ST6GAL1: variants seen among roughly 807,000 people sequenced by gnomAD.
The protein encoded by ST6GAL1 is ST6 beta-galactoside alpha-2,6-sialyltransferase 1, also known as beta-galactoside alpha-2,6-sialyltransferase 1.
Under a neutral mutation model 38.0 loss-of-function variants are expected in ST6GAL1, and 20 were observed. The observed-to-expected ratio is 0.53, with a 90% CI of 0.37 to 0.77. ST6GAL1 has a LOEUF of 0.77. Ranked by LOEUF, ST6GAL1 falls within the 30% of genes least tolerant of loss-of-function variation. ST6GAL1 has a pLI of 0.00. For missense variants in ST6GAL1, 432 were observed against 496.4 expected (o/e 0.87, Z 1.23); for synonymous variants, 196 against 188.2 (o/e 1.04, Z -0.34).
intron 5 of ST6GAL1, among the ~76,000 whole-genome samples, chr3:187,052,455 A>G (rs1335285759): frequency 1.3e-5 from 2 of 151,888 alleles, no homozygotes; most frequent in Non-Finnish European, 2.9e-5. Context: ...CTTGCCCCCA[A>G]CCCCACAACA....
At chr3:187,051,443 T>C in intron 5 of ST6GAL1, 97 bp downstream of exon 5, 1 of 1,101,594 alleles carries the variant, frequency 9.1e-7, no homozygotes, top group African/African-American at 1.5e-5. Context: ...AGGCTGCCAA[T>C]TAAGTCTCTT....
intron 2 of ST6GAL1, among the ~76,000 whole-genome samples, chr3:186,982,854 T>A (rs10937276): frequency 0.86 from 123,208 of 143,724 alleles, 53,673 homozygotes; most frequent in South Asian, 0.91. Context: ...GCTAATTTTT[T>A]TATTTTTAGT....
chr3:186,963,630 T>C (rs544710759), intron 1 of ST6GAL1, among the ~76,000 whole-genome samples, 155 bp from the exon 2 acceptor site: 93 of 152,234 alleles, frequency 6.1e-4, no homozygotes, highest in African/African-American at 2.2e-3. Flanking sequence ...GAGGGATGAG[T>C]CTGGGTGAAC....
chr3:187,020,803 T>C (rs1002022030), intron 2 of ST6GAL1, among the ~76,000 whole-genome samples: 7 of 152,148 alleles, frequency 4.6e-5, no homozygotes, highest in African/African-American at 1.4e-4. Flanking sequence ...CCTGAGGCAG[T>C]TGGGCCATAG....
chr3:187,010,372 C>A (rs1282363726), intron 2 of ST6GAL1, among the ~76,000 whole-genome samples: 1 of 152,118 alleles, frequency 6.6e-6, no homozygotes, highest in African/African-American at 2.4e-5. Context: ...AATTGAATTT[C>A]TTTTATTTCC....
chr3:186,980,384 A>G (rs2108537054), intron 2 of ST6GAL1, among the ~76,000 whole-genome samples: 1 of 152,284 alleles, frequency 6.6e-6, no homozygotes, highest in Middle Eastern at 3.4e-3. Context: ...TTAGTATTAT[A>G]ATATAAATGA....
At chr3:187,024,988 C>CGTGT (rs144330370) in intron 2 of ST6GAL1, 30,961 of 145,516 alleles carry the variant, frequency 0.21, 3,232 homozygotes, top group Middle Eastern at 0.28. Context: ...GAACCTGGTG[C>CGTGT]GTGTGTGTGT....
At chr3:187,050,534 A>AAGAGAGAGAGAGAGAGAG (rs147505225) in intron 4 of ST6GAL1, among the ~76,000 whole-genome samples, 9 of 87,738 alleles carry the variant, frequency 1.0e-4, no homozygotes, top group African/African-American at 1.8e-4. Context: ...CTTACAAAGA[A>AAGAGAGAGAGAGAGAGAG]AGAGAGAGAG....
At chr3:187,065,700 T>C (rs2108597940) in intron 5 of ST6GAL1, among the ~76,000 whole-genome samples, 1 of 152,352 alleles carries the variant, frequency 6.6e-6, no homozygotes, top group Non-Finnish European at 1.5e-5. Context: ...GAAGACCTAC[T>C]TCCTATATGC....
intron 1 of ST6GAL1, among the ~76,000 whole-genome samples, chr3:186,963,177 A>G (rs1470430858): frequency 6.6e-6 from 1 of 152,190 alleles, no homozygotes; most frequent in Non-Finnish European, 1.5e-5. Context: ...AAAATTTAGG[A>G]TCAGTTAAAA....
chr3:186,989,996 T>C lies in ST6GAL1; in HGVS notation c.-183+26070T>C, dbSNP rs1022205906. On this transcript the variant is annotated intron_variant, in intron 2 of 7. Coordinates refer to ENST00000169298, the MANE Select transcript of ST6GAL1 (RefSeq NM_173216.2). The stretch of plus-strand genomic sequence containing the variant: ...CCACAAGCTTTGGAGTTAGATGAGT[T>C]GGTTTGAATCCTAGCTCTGTACCAG... Among the ~76,000 whole-genome samples the C allele has an allele frequency of 2.0e-5, 3 of 152,182 alleles. No homozygotes were observed. In the East Asian group the frequency reaches 5.8e-4, roughly 29 times the overall value.
chr3:186,936,626 T>G (rs1264214379), intron 1 of ST6GAL1, among the ~76,000 whole-genome samples: 5 of 152,182 alleles, frequency 3.3e-5, no homozygotes, highest in Admixed American at 3.3e-4. Flanking sequence ...TGATTTAAAT[T>G]TTATTTATTC....
At chr3:186,966,293 C>A (rs576227396) in intron 2 of ST6GAL1, among the ~76,000 whole-genome samples, 1 of 152,296 alleles carries the variant, frequency 6.6e-6, no homozygotes, top group South Asian at 2.1e-4. Flanking sequence ...TGGTTCCCGG[C>A]ACAGTGTTTT....
At chr3:186,956,550 G>T (rs76885824) in intron 1 of ST6GAL1, among the ~76,000 whole-genome samples, 78 of 152,292 alleles carry the variant, frequency 5.1e-4, no homozygotes, top group Non-Finnish European at 1.0e-3. Flanking sequence ...GAGGCCTCTC[G>T]CTGCTCCCAG....
intron 1 of ST6GAL1, among the ~76,000 whole-genome samples, chr3:186,958,896 T>A (rs538688507): frequency 6.7e-6 from 1 of 148,184 alleles, no homozygotes; most frequent in East Asian, 2.0e-4. Flanking sequence ...GAGGTTGCGG[T>A]GAGCAGAGAT....
In ST6GAL1 at chr3:186,983,160, A is replaced by G. The variant is rs377681638; in HGVS notation, c.-183+19234A>G. Among the ~76,000 whole-genome samples the G allele has an allele frequency of 5.3e-5, 8 of 152,316 alleles. No homozygotes were observed. In the East Asian group the frequency reaches 1.2e-3, roughly 22 times the overall value. ...CTAGCAGGTAATAATTAGCCAATAA[A>G]ATGTTTCCATTCATTCACCAAATAT... On this transcript the variant is annotated intron_variant, in intron 2 of 7. Transcript: ENST00000169298.
chr3:186,986,428 A>G (rs1715924212), intron 2 of ST6GAL1: 1 of 152,864 alleles, frequency 6.5e-6, no homozygotes, highest in African/African-American at 2.4e-5. Context: ...GAATTTAGAC[A>G]GGTCCCTGTA....
At chr3:186,937,983 A>G (rs1714024955) in intron 1 of ST6GAL1, among the ~76,000 whole-genome samples, 1 of 152,226 alleles carries the variant, frequency 6.6e-6, no homozygotes, top group Admixed American at 6.5e-5. Flanking sequence ...CTGAGGTGGG[A>G]GAATTGCTGG....
At chr3:186,939,610 A>G (rs1282815874) in intron 1 of ST6GAL1, among the ~76,000 whole-genome samples, 1 of 152,268 alleles carries the variant, frequency 6.6e-6, no homozygotes, top group Non-Finnish European at 1.5e-5. Flanking sequence ...AAGTGGCTCA[A>G]TATGAGTTGG....
Sources: allele counts gnomAD v4.1 joint callset (sites outside exome capture counted in the v4.1 genomes callset), GRCh38; gene constraint gnomAD v4.1.1; transcripts MANE v1.5; gene names NCBI Gene and HGNC (gene_info 2026-07-23, HGNC 2026-07-21).